The following HEMK2 variants were observed in gnomAD, a reference collection of about 807,000 sequenced individuals.
The protein encoded by HEMK2 is HemK methyltransferase 2, ETF1 glutamine and histone H4 lysine, also known as methyltransferase HEMK2.
chr21:28,885,328 G>C, the HEMK2 span: 4 of 1,582,448 alleles, frequency 2.5e-6, no homozygotes, highest in Non-Finnish European at 3.5e-6. Flanking sequence ...ACGGCGTAGC[G>C]AAGTTCTCCC....
the HEMK2 span, among the ~76,000 whole-genome samples, chr21:28,695,956 C>T: frequency 3.3e-5 from 5 of 151,992 alleles, no homozygotes; most frequent in Non-Finnish European, 7.4e-5. Flanking sequence ...TAAAGACATA[C>T]CCGAGACTCG....
chr21:28,724,930 C>T, the HEMK2 span, among the ~76,000 whole-genome samples: 2 of 109,698 alleles, frequency 1.8e-5, no homozygotes, highest in Non-Finnish European at 3.4e-5. Flanking sequence ...TACAGGTGCA[C>T]ACCACCATGC....
the HEMK2 span, among the ~76,000 whole-genome samples, chr21:28,663,585 G>C: frequency 1.3e-5 from 2 of 152,224 alleles, no homozygotes; most frequent in Non-Finnish European, 2.9e-5. Flanking sequence ...GGCAAGAACA[G>C]ACTAGTTCAA....
At chr21:28,832,340 C>T in the HEMK2 span, among the ~76,000 whole-genome samples, 1 of 152,186 alleles carries the variant, frequency 6.6e-6, no homozygotes, top group African/African-American at 2.4e-5. Flanking sequence ...CAATCAGGAG[C>T]AGTCTTGAGT....
At chr21:28,694,764 G>A in the HEMK2 span, among the ~76,000 whole-genome samples, 1 of 152,292 alleles carries the variant, frequency 6.6e-6, no homozygotes, top group South Asian at 2.1e-4. Context: ...GGCTGAGGCG[G>A]GAGGATCACG....
chr21:28,625,836 G>A, the HEMK2 span, among the ~76,000 whole-genome samples: 8 of 152,118 alleles, frequency 5.3e-5, no homozygotes, highest in South Asian at 2.1e-4. Context: ...GGATCTACAC[G>A]AGAAAATGAA....
At chr21:28,713,569 C>T in the HEMK2 span, among the ~76,000 whole-genome samples, 4 of 152,134 alleles carry the variant, frequency 2.6e-5, no homozygotes, top group African/African-American at 9.7e-5. Flanking sequence ...TTTCCCCAGG[C>T]CCCTCCTTCT....
chr21:28,784,356 G>T, the HEMK2 span, among the ~76,000 whole-genome samples: 1 of 151,934 alleles, frequency 6.6e-6, no homozygotes, highest in Non-Finnish European at 1.5e-5. Context: ...GTTTGTAAAT[G>T]CACCGATCAG....
chr21:28,589,266 C>T, the HEMK2 span, among the ~76,000 whole-genome samples: 7 of 151,990 alleles, frequency 4.6e-5, no homozygotes, highest in African/African-American at 1.7e-4. Context: ...TTTATCAAAA[C>T]TCATAGAACT....
At chr21:28,631,704 A>C in the HEMK2 span, among the ~76,000 whole-genome samples, 1 of 152,172 alleles carries the variant, frequency 6.6e-6, no homozygotes, top group Non-Finnish European at 1.5e-5. Context: ...CTGATTAAAC[A>C]GTAAAGCCAT....
At chr21:28,774,854 T>C in the HEMK2 span, among the ~76,000 whole-genome samples, 4 of 152,214 alleles carry the variant, frequency 2.6e-5, no homozygotes, top group African/African-American at 9.6e-5. Flanking sequence ...CTTTGTAATA[T>C]TTATTTAATT....
At chr21:28,595,582 A>T in the HEMK2 span, among the ~76,000 whole-genome samples, 1 of 152,162 alleles carries the variant, frequency 6.6e-6, no homozygotes, top group Non-Finnish European at 1.5e-5. Context: ...TCATCTGTTG[A>T]TGAACACAGG....
the HEMK2 span, among the ~76,000 whole-genome samples, chr21:28,883,956 T>C: frequency 6.6e-6 from 1 of 152,196 alleles, no homozygotes; most frequent in Non-Finnish European, 1.5e-5. Context: ...TGATGGCATT[T>C]AGGGAAATTT....
At chr21:28,750,700 C>CAAAAAAAAAAAAAAAAAAAA in the HEMK2 span, among the ~76,000 whole-genome samples, 1 of 80,386 alleles carries the variant, frequency 1.2e-5, no homozygotes, top group Non-Finnish European at 2.5e-5. Context: ...GGCTCCATCT[C>CAAAAAAAAAAAAAAAAAAAA]AAAAAAAAAA....
the HEMK2 span, among the ~76,000 whole-genome samples, chr21:28,728,019 A>G: frequency 6.6e-6 from 1 of 152,244 alleles, no homozygotes; most frequent in African/African-American, 2.4e-5. Flanking sequence ...ATTCAGGGCC[A>G]TGAGCCAAGG....
chr21:28,804,514 C>T, the HEMK2 span, among the ~76,000 whole-genome samples: 4 of 152,050 alleles, frequency 2.6e-5, no homozygotes, highest in South Asian at 2.1e-4. Flanking sequence ...GCAAGAGGAT[C>T]GTTTGAGCCC....
the HEMK2 span, among the ~76,000 whole-genome samples, chr21:28,841,253 ATTATATAT>A: frequency 1.9e-4 from 1 of 5,228 alleles, no homozygotes; most frequent in African/African-American, 1.5e-3. Context: ...TATATAATAT[ATTATATAT>A]AATATATATT....
chr21:28,751,088 GGGCGTGGTGGCGAGCACC>G, the HEMK2 span, among the ~76,000 whole-genome samples: 1 of 151,842 alleles, frequency 6.6e-6, no homozygotes, highest in Non-Finnish European at 1.5e-5. Context: ...AAAATTAGCC[GGGCGTGGTGGCGAGCACC>G]TGTAGTCCCA....
the HEMK2 span, among the ~76,000 whole-genome samples, chr21:28,883,883 C>T: frequency 6.6e-6 from 1 of 152,174 alleles, no homozygotes; most frequent in African/African-American, 2.4e-5. Context: ...ACCACAGTGC[C>T]AGCCCTCTAT....
Sources: gnomAD v4.1 joint callset for allele counts (sites outside exome capture counted in the v4.1 genomes callset) on GRCh38, gnomAD v4.1.1 for gene constraint, MANE v1.5 for transcripts, NCBI Gene and HGNC (gene_info 2026-07-23, HGNC 2026-07-21) for gene names.